Variants in RBFOX1 observed in about 807,000 individuals in gnomAD.
RBFOX1 encodes the protein RNA binding protein fox-1 homolog 1.
RBFOX1 carries 8 observed loss-of-function variants against 57.7 expected under a neutral mutation model. The ratio of observed to expected loss-of-function variants is 0.14; its 90% CI spans 0.08 to 0.25. The LOEUF (loss-of-function observed/expected upper bound fraction) is 0.25. RBFOX1 is among the 10% of genes least tolerant of loss of function. The probability of loss-of-function intolerance (pLI) is 1.00; values close to 1 mark genes in which losing one functional copy is unlikely to be tolerated. For synonymous variants in RBFOX1, 326 were observed against 222.4 expected (o/e 1.47, Z -4.15); for missense variants, 611 against 548.5 (o/e 1.11, Z -1.14).
intron 4 of RBFOX1, among the ~76,000 whole-genome samples, chr16:7,212,686 A>C (rs4511554): frequency 0.24 from 37,131 of 152,120 alleles, 4,789 homozygotes; most frequent in Non-Finnish European, 0.29. Context: ...TATTAGGAAT[A>C]ACTTACGCTA....
At chr16:5,340,367 A>G (rs533785665) in intron 1 of RBFOX1, among the ~76,000 whole-genome samples, 4 of 152,208 alleles carry the variant, frequency 2.6e-5, no homozygotes, top group Admixed American at 6.5e-5. Context: ...TACTGCTTTA[A>G]GTATAAAATT....
chr16:6,385,771 G>A (rs371019604), intron 2 of RBFOX1, among the ~76,000 whole-genome samples: 24 of 152,062 alleles, frequency 1.6e-4, no homozygotes, highest in African/African-American at 4.8e-4. Context: ...ATCGTATTTA[G>A]CAAAAAGCTA....
intron 2 of RBFOX1, among the ~76,000 whole-genome samples, chr16:5,471,916 A>T (rs2069149771): frequency 6.6e-6 from 1 of 152,164 alleles, no homozygotes; most frequent in Admixed American, 6.5e-5. Flanking sequence ...CGCTTCATGC[A>T]GCATGGGTGG....
chr16:6,858,786 C>G (rs575386972), intron 3 of RBFOX1, among the ~76,000 whole-genome samples: 7 of 151,842 alleles, frequency 4.6e-5, no homozygotes, highest in African/African-American at 1.7e-4. Context: ...TTTAGAAAAC[C>G]CAGAAATTAG....
intron 4 of RBFOX1, among the ~76,000 whole-genome samples, chr16:7,463,269 C>G (rs537342213): frequency 6.6e-6 from 1 of 152,134 alleles, no homozygotes; most frequent in Non-Finnish European, 1.5e-5. Context: ...TTTGGGAGGC[C>G]ATGGTGTGTG....
chr16:6,974,074 A>G (rs2153574774), intron 3 of RBFOX1, among the ~76,000 whole-genome samples: 1 of 152,264 alleles, frequency 6.6e-6, no homozygotes, highest in African/African-American at 2.4e-5. Context: ...AATGGCTTCC[A>G]GCTGCATCCA....
chr16:5,321,388 C>G (rs536561196), intron 1 of RBFOX1, among the ~76,000 whole-genome samples: 110 of 151,646 alleles, frequency 7.3e-4, no homozygotes, highest in Non-Finnish European at 9.3e-4. Context: ...GGCGAAGTCT[C>G]AGCTTACTGC....
At position 5,947,412 on chromosome 16, in the gene RBFOX1, G is replaced by A. The variant is rs991833388; in HGVS notation, c.351+80077G>A. 1.3e-5 allele frequency among the ~76,000 whole-genome samples: 2 copies of A among 152,154 alleles called. No homozygotes were observed. Among genetic ancestry groups the A allele is most frequent in the African/African-American group, 4.8e-5 (2 of 41,438 alleles). On this transcript the variant is annotated intron_variant, in intron 4 of 19. Coordinates refer to the RBFOX1 transcript ENST00000641259. This position sits in a 1 kb window ranked among gnomAD's most constrained non-coding sequence, Gnocchi z 7.2. Reference sequence around the variant, plus strand: ...TCAGACAGGGTCTTGCTCTCGCTCAGACTGGAGTGCATTGGTATGATCATG... The same window carrying A: ...TCAGACAGGGTCTTGCTCTCGCTCAAACTGGAGTGCATTGGTATGATCATG...
intron 1 of RBFOX1, among the ~76,000 whole-genome samples, chr16:6,257,085 A>C (rs968146937): frequency 6.6e-6 from 1 of 152,096 alleles, no homozygotes; most frequent in African/African-American, 2.4e-5. Flanking sequence ...TATTTATTGA[A>C]TGATTTGGTT....
intron 1 of RBFOX1, among the ~76,000 whole-genome samples, chr16:5,259,057 G>C (rs1435608306): frequency 6.6e-6 from 1 of 152,166 alleles, no homozygotes; most frequent in Admixed American, 6.5e-5. Flanking sequence ...CCCAGGGCTG[G>C]CTCTGATGCT....
intron 2 of RBFOX1, among the ~76,000 whole-genome samples, chr16:6,641,865 T>A (rs112206313): frequency 0.025 from 3,709 of 151,324 alleles, 149 homozygotes; most frequent in African/African-American, 0.085. Flanking sequence ...CTTTGGAGAT[T>A]ACCCACTTTA....
chr16:5,697,814 A>G (rs1400807270), intron 3 of RBFOX1, among the ~76,000 whole-genome samples: 1 of 151,950 alleles, frequency 6.6e-6, no homozygotes, highest in Non-Finnish European at 1.5e-5. Context: ...TTCTTTTTCC[A>G]TCCCTGACAT....
intron 2 of RBFOX1, among the ~76,000 whole-genome samples, chr16:6,320,610 A>C (rs2081653160): frequency 6.6e-6 from 1 of 152,116 alleles, no homozygotes; most frequent in Non-Finnish European, 1.5e-5. Context: ...CATACTTATC[A>C]CCTTACATAG....
At chr16:6,762,888 G>T (rs1016495713) in intron 3 of RBFOX1, among the ~76,000 whole-genome samples, 3 of 152,082 alleles carry the variant, frequency 2.0e-5, no homozygotes, top group East Asian at 1.9e-4. Flanking sequence ...GGAGTAAGTG[G>T]GTACAAAGAG....
intron 5 of RBFOX1, among the ~76,000 whole-genome samples, chr16:7,537,295 G>A (rs1381570652): frequency 1.3e-5 from 2 of 152,224 alleles, no homozygotes; most frequent in Non-Finnish European, 2.9e-5. Flanking sequence ...AGAGCTCTCT[G>A]TAATATACAG....
intron 3 of RBFOX1, among the ~76,000 whole-genome samples, chr16:5,646,516 GTA>G (rs2049059801): frequency 6.6e-6 from 1 of 152,196 alleles, no homozygotes; most frequent in African/African-American, 2.4e-5. Flanking sequence ...TGTGCATTGT[GTA>G]TGTAGGATGT....
chr16:7,407,157 C>T (rs776760015), intron 4 of RBFOX1, among the ~76,000 whole-genome samples: 1 of 152,054 alleles, frequency 6.6e-6, no homozygotes, highest in Non-Finnish European at 1.5e-5. Context: ...TTGGTGTGCC[C>T]ATCACCAGAG....
At chr16:6,389,039 A>G (rs949705787) in intron 2 of RBFOX1, among the ~76,000 whole-genome samples, 43 of 152,200 alleles carry the variant, frequency 2.8e-4, no homozygotes, top group African/African-American at 1.0e-3. Flanking sequence ...TACCTAAACT[A>G]GTAAATTCCC....
intron 2 of RBFOX1, among the ~76,000 whole-genome samples, chr16:6,411,719 A>C (rs1444423060): frequency 2.0e-5 from 3 of 152,218 alleles, no homozygotes; most frequent in Non-Finnish European, 2.9e-5. Context: ...CTCAGCTTTT[A>C]TTATTGAAAG....
Sources: allele counts gnomAD v4.1 joint callset (sites outside exome capture counted in the v4.1 genomes callset), GRCh38; gene constraint gnomAD v4.1.1; non-coding constraint Gnocchi (gnomAD v3.1); transcripts MANE v1.5; gene names NCBI Gene and HGNC (gene_info 2026-07-23, HGNC 2026-07-21).